The following NCKAP5 variants were observed in gnomAD, a reference collection of about 807,000 sequenced individuals.
NCKAP5 encodes the protein NCK associated protein 5.
NCKAP5 carries 92 observed loss-of-function variants against 167.0 expected under a neutral mutation model. That is an observed-to-expected ratio of 0.55 (90% CI 0.47 to 0.66). The LOEUF (loss-of-function observed/expected upper bound fraction) is 0.66, where lower values mean the gene tolerates loss of function less well. NCKAP5 is among the 30% of genes least tolerant of loss of function. The pLI is 0.00. For synonymous variants in NCKAP5, 891 were observed against 877.4 expected, an observed-to-expected ratio of 1.02 and a Z score of -0.27; for missense variants, 2,378 against 2,315.0, an observed-to-expected ratio of 1.03 and a Z score of -0.56.
chr2:133,284,160 C>CAT (rs5834351), intron 4 of NCKAP5, among the ~76,000 whole-genome samples: 36 of 149,904 alleles, frequency 2.4e-4, no homozygotes, highest in East Asian at 5.9e-4. Flanking sequence ...TAAGATTGTG[C>CAT]ATATATATAT....
chr2:133,015,316 T>C (rs568365513), intron 6 of NCKAP5, among the ~76,000 whole-genome samples: 1 of 152,126 alleles, frequency 6.6e-6, no homozygotes, highest in East Asian at 1.9e-4. Context: ...AAAGAAGACC[T>C]CTTCAAGAGT....
At chr2:133,385,290 A>T (rs1315428090) in intron 3 of NCKAP5, among the ~76,000 whole-genome samples, 1 of 152,228 alleles carries the variant, frequency 6.6e-6, no homozygotes, top group Non-Finnish European at 1.5e-5. Context: ...CCTTTTCTGC[A>T]TCTACTGAGA....
intron 4 of NCKAP5, among the ~76,000 whole-genome samples, chr2:133,224,397 T>G (rs1220386984): frequency 1.3e-5 from 2 of 152,224 alleles, no homozygotes; most frequent in African/African-American, 4.8e-5. Context: ...TCGCTCATAT[T>G]CAATATCAGA....
At chr2:132,808,013 T>C (rs977970899) in intron 11 of NCKAP5, among the ~76,000 whole-genome samples, 3 of 152,170 alleles carry the variant, frequency 2.0e-5, no homozygotes, top group Non-Finnish European at 1.5e-5. Context: ...ATTGAGATGA[T>C]CATGTGATTT....
At chr2:132,888,356 T>C (rs544383066) in intron 8 of NCKAP5, among the ~76,000 whole-genome samples, 3 of 152,308 alleles carry the variant, frequency 2.0e-5, no homozygotes, top group African/African-American at 7.2e-5. Context: ...CAAACATCAA[T>C]ATAAATTTGA....
intron 2 of NCKAP5, among the ~76,000 whole-genome samples, chr2:133,550,093 T>G (rs1305197671): frequency 3.3e-5 from 5 of 150,678 alleles, no homozygotes; most frequent in African/African-American, 7.3e-5. Flanking sequence ...GCTGAAATTG[T>G]GGCAATAATC....
chr2:132,969,935 C>G (rs2076783723), intron 7 of NCKAP5, among the ~76,000 whole-genome samples: 1 of 152,158 alleles, frequency 6.6e-6, no homozygotes, highest in South Asian at 2.1e-4. Context: ...GTTTCTTAAT[C>G]ATTTACCAGT....
intron 3 of NCKAP5, among the ~76,000 whole-genome samples, chr2:133,443,017 T>C (rs1321716328): frequency 1.3e-5 from 2 of 152,236 alleles, no homozygotes; most frequent in Non-Finnish European, 2.9e-5. Flanking sequence ...AATTGCATAG[T>C]CCACAAAACA....
intron 4 of NCKAP5, among the ~76,000 whole-genome samples, chr2:133,274,000 C>T (rs1029259199): frequency 1.3e-5 from 2 of 149,690 alleles, no homozygotes; most frequent in African/African-American, 2.5e-5. Context: ...ATCTATAACA[C>T]GCCTTATATT....
chr2:133,561,137 G>T (rs1688125679), intron 1 of NCKAP5, among the ~76,000 whole-genome samples: 1 of 152,128 alleles, frequency 6.6e-6, no homozygotes, highest in Non-Finnish European at 1.5e-5. Flanking sequence ...CATTTTCACA[G>T]TTTTACTGCT....
At chr2:132,855,151 T>C (rs1409107237) in intron 11 of NCKAP5, among the ~76,000 whole-genome samples, 1 of 152,130 alleles carries the variant, frequency 6.6e-6, no homozygotes, top group African/African-American at 2.4e-5. Flanking sequence ...GCAGGAACTG[T>C]GTGATTTTTC....
At chr2:133,067,056 G>A (rs916090451) in intron 6 of NCKAP5, among the ~76,000 whole-genome samples, 26 of 151,858 alleles carry the variant, frequency 1.7e-4, no homozygotes, top group East Asian at 9.7e-4. Context: ...TGGTAGAGAC[G>A]GGGTTTCACC....
At chr2:133,209,321 G>C (rs1219027568) in intron 5 of NCKAP5, among the ~76,000 whole-genome samples, 1 of 149,636 alleles carries the variant, frequency 6.7e-6, no homozygotes, top group Non-Finnish European at 1.5e-5. Flanking sequence ...GAAAAACGGT[G>C]GTGGCATTTA....
chr2:133,621,717 T>C, the NCKAP5 span, among the ~76,000 whole-genome samples: 9 of 152,084 alleles, frequency 5.9e-5, no homozygotes, highest in Non-Finnish European at 1.5e-5. Context: ...AAACAAGAAT[T>C]GGTAACAATC....
intron 4 of NCKAP5, among the ~76,000 whole-genome samples, chr2:133,269,244 A>T (rs181870073): frequency 0.015 from 2,307 of 152,304 alleles, 41 homozygotes; most frequent in Non-Finnish European, 0.02. Flanking sequence ...TCAAACAAAA[A>T]TTTTTTACCT....
At chr2:133,661,277 G>T in the NCKAP5 span, among the ~76,000 whole-genome samples, 1 of 152,116 alleles carries the variant, frequency 6.6e-6, no homozygotes, top group Non-Finnish European at 1.5e-5. Flanking sequence ...AATCAAATTT[G>T]ATCAACTAGG....
intron 6 of NCKAP5, among the ~76,000 whole-genome samples, chr2:133,030,763 C>T (rs1573801833): frequency 6.6e-6 from 1 of 152,176 alleles, no homozygotes; most frequent in African/African-American, 2.4e-5. Flanking sequence ...GTGGCTAAAG[C>T]AACAGAAATT....
At chr2:133,019,855 C>T (rs1021021088) in intron 6 of NCKAP5, among the ~76,000 whole-genome samples, 3 of 152,190 alleles carry the variant, frequency 2.0e-5, no homozygotes, top group African/African-American at 7.2e-5. Flanking sequence ...CACTTATATC[C>T]TCTGGTTTAC....
chr2:133,511,190 C>G (rs2151422298), intron 3 of NCKAP5, among the ~76,000 whole-genome samples: 1 of 152,300 alleles, frequency 6.6e-6, no homozygotes, highest in South Asian at 2.1e-4. Context: ...GTCCCCAGCA[C>G]CAGTGTTGCT....
Sources: allele counts gnomAD v4.1 joint callset (sites outside exome capture counted in the v4.1 genomes callset), GRCh38; gene constraint gnomAD v4.1.1; transcripts MANE v1.5; gene names NCBI Gene and HGNC (gene_info 2026-07-23, HGNC 2026-07-21).